The following PVALB variants were observed in gnomAD, a reference collection of about 807,000 sequenced individuals.
The protein encoded by PVALB is parvalbumin, also known as parvalbumin alpha.
A neutral mutation model predicts 10.9 loss-of-function variants in PVALB; 11 were observed. The observed-to-expected ratio is 1.01, with a 90% CI of 0.63 to 1.67. The LOEUF (loss-of-function observed/expected upper bound fraction) is 1.67. Ranked by LOEUF, PVALB falls within the 40% of genes most tolerant of loss-of-function variation. The probability of loss-of-function intolerance (pLI) is 0.00; values close to 1 mark genes in which losing one functional copy is unlikely to be tolerated. For synonymous variants in PVALB, 57 were observed against 50.7 expected (o/e 1.12, Z -0.53); for missense variants, 131 against 136.2 (o/e 0.96, Z 0.19).
At chr22:36,802,981 T>A (rs1191741087) in intron 3 of PVALB, among the ~76,000 whole-genome samples, 1 of 152,172 alleles carries the variant, frequency 6.6e-6, no homozygotes, top group Non-Finnish European at 1.5e-5. Context: ...AGGACCTCGG[T>A]GGGGCAGGTG....
intron 2 of PVALB, among the ~76,000 whole-genome samples, chr22:36,814,884 T>C (rs752815071): frequency 1.6e-4 from 25 of 152,184 alleles, no homozygotes; most frequent in Non-Finnish European, 3.4e-4. Flanking sequence ...CCTAGTTAGT[T>C]GCACTTTCAG....
intron 1 of PVALB, 25 bp from the exon 2 acceptor site, chr22:36,815,260 A>G (rs1388879600): frequency 6.2e-7 from 1 of 1,613,936 alleles, no homozygotes; most frequent in East Asian, 2.2e-5. Flanking sequence ...GCAGGGTCAA[A>G]CAAGGACCAG....
In PVALB at chr22:36,813,556, C is replaced by G. The variant is rs192778456; in HGVS notation, c.304+90G>C. The G allele has an allele frequency of 4.7e-6, 5 of 1,072,738 alleles. No homozygotes were observed. The Admixed American group carries it at 7.0e-5, about 15-fold the overall frequency. 66.5% of individuals were successfully genotyped at this position (1,072,738 alleles called of 1,614,324 possible). On this transcript the variant is annotated intron_variant, in intron 3 of 3. Coordinates refer to ENST00000417718, the MANE Select transcript of PVALB (RefSeq NM_001315532.2). ...GGGAGTGAGGGACCCCCATATCATC[C>G]CTTCCTTGTGACAGACATAGCTTCA...
In PVALB at chr22:36,810,105, G is replaced by T. The variant is rs183880425; in HGVS notation, c.304+3541C>A. Among the ~76,000 whole-genome samples the T allele has an allele frequency of 5.2e-3, 787 of 152,156 alleles. 2 individuals carry two copies. Among genetic ancestry groups the T allele is most frequent in the Non-Finnish European group, 7.8e-3 (533 of 67,990 alleles). Reference sequence around the variant, plus strand: ...TCACCATGTTGGCCAGGCTGGTCTCGAACTCCTGACCTTGTGATCTGCCCG... The same window carrying T: ...TCACCATGTTGGCCAGGCTGGTCTCTAACTCCTGACCTTGTGATCTGCCCG... On this transcript the variant is annotated intron_variant, in intron 3 of 3. Coordinates refer to ENST00000417718, the MANE Select transcript of PVALB (RefSeq NM_001315532.2).
At chr22:36,801,048 TA>T (rs1315395666) in intron 3 of PVALB, 130 bp from the exon 4 acceptor site, 1 of 831,476 alleles carries the variant, frequency 1.2e-6, no homozygotes, top group Admixed American at 2.2e-5. Flanking sequence ...CCCCAGAGCG[TA>T]AGTGTGAAAA....
intron 3 of PVALB, among the ~76,000 whole-genome samples, chr22:36,808,139 G>A (rs1479735025): frequency 6.6e-6 from 1 of 152,242 alleles, no homozygotes; most frequent in Non-Finnish European, 1.5e-5. Context: ...AGGAGTCAAG[G>A]TTTGAAGAGG....
intron 3 of PVALB, among the ~76,000 whole-genome samples, chr22:36,811,835 G>A (rs1601522474): frequency 6.6e-6 from 1 of 152,092 alleles, no homozygotes; most frequent in East Asian, 1.9e-4. Context: ...GAAGCCCCAG[G>A]AGCGGCCAAG....
intron 3 of PVALB, among the ~76,000 whole-genome samples, chr22:36,810,554 A>G (rs1326408469): frequency 6.6e-6 from 1 of 152,158 alleles, no homozygotes; most frequent in East Asian, 1.9e-4. Flanking sequence ...TGGAGGCTGC[A>G]CAGGTGGGCC....
rs543657094 is a variant in PVALB at position 36,813,376 on chromosome 22, A to G, written c.304+270T>C. ...AATGCAGGCAGAGTTCAGGAAAAAA[A>G]AATCCCAAATCCTCCTGGATCCCCT... On this transcript the variant is annotated intron_variant, in intron 3 of 3. Coordinates refer to ENST00000417718, the MANE Select transcript of PVALB (RefSeq NM_001315532.2). 6 of 421,622 alleles carry G rather than the reference A, an allele frequency of 1.4e-5. No homozygotes were observed. In the East Asian group the frequency reaches 2.3e-4, roughly 16 times the overall value. 26.1% of individuals were successfully genotyped at this position (421,622 alleles called of 1,614,324 possible). A position where few individuals can be genotyped will look rare whatever the true frequency, so the allele number is the denominator to read the frequency against.
intron 3 of PVALB, chr22:36,813,413 A>G (rs890709384): frequency 3.8e-5 from 19 of 498,620 alleles, no homozygotes; most frequent in Admixed American, 1.3e-4. Flanking sequence ...CCCAGCAGGA[A>G]AAACAGAATC....
intron 3 of PVALB, among the ~76,000 whole-genome samples, chr22:36,802,227 T>C (rs1000104079): frequency 2.0e-5 from 3 of 152,114 alleles, no homozygotes; most frequent in African/African-American, 7.2e-5. Flanking sequence ...AATTCTTCTG[T>C]ATATCTACAA....
rs373761035 is a variant in PVALB, at chr22:36,808,940, C to A, written c.304+4706G>T. On this transcript the variant is annotated intron_variant, in intron 3 of 3. Transcript: ENST00000417718. ...AGGGTGGCCTTTGAGAATGAATCAACCACATCTATAAAAGCCTTTGAGCTT... is the reference window on the plus strand; with the variant it reads ...AGGGTGGCCTTTGAGAATGAATCAAACACATCTATAAAAGCCTTTGAGCTT... Among the ~76,000 whole-genome samples the A allele has an allele frequency of 4.1e-4, 63 of 152,320 alleles. No homozygotes were observed. The South Asian group carries it at 0.013, about 31-fold the overall frequency.
chr22:36,809,604 G>A (rs914777948), intron 3 of PVALB, among the ~76,000 whole-genome samples: 1 of 152,158 alleles, frequency 6.6e-6, no homozygotes, highest in African/African-American at 2.4e-5. Context: ...TCTATAAAAT[G>A]GGAATCATAA....
At position 36,815,108 on chromosome 22, in the gene PVALB, C is replaced by G. The variant is rs752581550; in HGVS notation, c.189G>C (p.Glu63Asp). 3 of 1,614,146 alleles carry G rather than the reference C, an allele frequency of 1.9e-6. No homozygotes were observed. Among genetic ancestry groups the G allele is most frequent in the Non-Finnish European group, 2.5e-6 (3 of 1,180,000 alleles). The change falls in exon 2 of 4, where the codon GAG (glutamate) becomes GAC (aspartate). Residue 63 changes from glutamate to aspartate, a missense_variant. Glu to Asp is a conservative substitution (Grantham distance 45). Transcript: ENST00000417718. ...KDKSGFIEED[E>D]LGFILKGFSP... ...CCCTGCAGGCCTCCGCTTACCCCAG[C>G]TCATCCTCCTCGATGAAGCCACTTT...
At chr22:36,813,542 A>AC (rs1939079514) in intron 3 of PVALB, 104 bp downstream of exon 3, 2 of 888,114 alleles carry the variant, frequency 2.3e-6, no homozygotes, top group Non-Finnish European at 3.7e-6. Flanking sequence ...GGAGTGAGGG[A>AC]CCCCCATATC....
At chr22:36,811,477 C>T (rs1939045481) in intron 3 of PVALB, 2 of 470,700 alleles carry the variant, frequency 4.2e-6, no homozygotes, top group Non-Finnish European at 8.8e-6. Context: ...ATTTTTACCT[C>T]TTCCATTGCC....
intron 2 of PVALB, 118 bp from the exon 3 acceptor site, chr22:36,813,873 G>C (rs1185276459): frequency 1.3e-6 from 1 of 797,644 alleles, no homozygotes; most frequent in African/African-American, 1.7e-5. Context: ...GACAGGCAGC[G>C]AGCAGCAGTC....
chr22:36,807,591 A>T (rs559281601), intron 3 of PVALB, among the ~76,000 whole-genome samples: 12 of 152,350 alleles, frequency 7.9e-5, no homozygotes, highest in African/African-American at 2.6e-4. Context: ...CCCATAAAAT[A>T]AGAGGAAAGG....
chr22:36,811,350 T>C (rs964568777), intron 3 of PVALB: 2 of 336,288 alleles, frequency 5.9e-6, no homozygotes, highest in East Asian at 2.0e-4. Flanking sequence ...TGTTATGTGC[T>C]GGGCACTACA....
Sources: allele counts gnomAD v4.1 joint callset (sites outside exome capture counted in the v4.1 genomes callset), GRCh38; gene constraint gnomAD v4.1.1; transcripts MANE v1.5; gene names NCBI Gene and HGNC (gene_info 2026-07-23, HGNC 2026-07-21).